PCDHA2: variants seen among roughly 807,000 people sequenced by gnomAD.
PCDHA2 encodes the protein protocadherin alpha 2.
PCDHA2 carries 58 observed loss-of-function variants against 66.0 expected under a neutral mutation model. The ratio of observed to expected loss-of-function variants is 0.88; its 90% CI spans 0.71 to 1.09. The LOEUF (loss-of-function observed/expected upper bound fraction) is 1.09. Among genes scored for constraint, PCDHA2 ranks in the 50% least tolerant of loss-of-function variants. The pLI, the probability that PCDHA2 is intolerant of heterozygous loss-of-function variation, is 0.00. For synonymous variants in PCDHA2, 634 were observed against 554.0 expected, an observed-to-expected ratio of 1.14 and a Z score of -2.03; for missense variants, 1,267 against 1,242.3, an observed-to-expected ratio of 1.02 and a Z score of -0.30.
rs1475704020 is a variant in PCDHA2 at position 140,802,588 on chromosome 5, T to C, written c.2388+5236T>C. The C allele has an allele frequency of 4.3e-6, 7 of 1,612,752 alleles. No homozygotes were observed. The African/African-American group carries it at 9.4e-5, about 22-fold the overall frequency. ...TCGCAGTCCGAGTACACGGTGTTCGTGAAGGAGAACAACCCGCCGGGCTGC... is the reference window on the plus strand; with the variant it reads ...TCGCAGTCCGAGTACACGGTGTTCGCGAAGGAGAACAACCCGCCGGGCTGC... On this transcript the variant is annotated intron_variant, in intron 1 of 3. Coordinates refer to ENST00000526136, the MANE Select transcript of PCDHA2 (RefSeq NM_018905.3).
chr5:140,855,571 T>G (rs2043521120), intron 1 of PCDHA2, among the ~76,000 whole-genome samples: 1 of 149,810 alleles, frequency 6.7e-6, no homozygotes, highest in Non-Finnish European at 1.5e-5. Context: ...AAAGTTGTCA[T>G]TTAATAAAAT....
intron 1 of PCDHA2, chr5:140,823,218 G>T (rs2150123612): frequency 6.2e-7 from 1 of 1,613,766 alleles, no homozygotes; most frequent in Non-Finnish European, 8.5e-7. Context: ...CACGGGACGC[G>T]GACGCGCAGG....
At chr5:140,871,205 T>C (rs1554165267) in intron 1 of PCDHA2, 3 of 1,613,774 alleles carry the variant, frequency 1.9e-6, no homozygotes, top group Admixed American at 3.3e-5. Flanking sequence ...TACCTGATCA[T>C]CGCCATCTGC....
intron 1 of PCDHA2, chr5:140,855,922 T>G: frequency 8.1e-7 from 1 of 1,227,842 alleles, no homozygotes; most frequent in South Asian, 1.5e-5. Flanking sequence ...GACTAGGAAG[T>G]AGCGTCATTC....
rs79336587 is a variant in PCDHA2 at position 140,997,550 on chromosome 5, C to T, written c.2537-12077C>T. Reference sequence around the variant, plus strand: ...ATAAAAATACATTATTATAATCTTACAGGACAACTGTCATATGTGTGGTCC... The same window carrying T: ...ATAAAAATACATTATTATAATCTTATAGGACAACTGTCATATGTGTGGTCC... On this transcript the variant is annotated intron_variant, in intron 3 of 3. Coordinates refer to ENST00000526136, the MANE Select transcript of PCDHA2 (RefSeq NM_018905.3). Among the ~76,000 whole-genome samples, 1,283 of 152,208 alleles carry T rather than the reference C, an allele frequency of 8.4e-3. 21 individuals carry two copies. The highest frequency in any genetic ancestry group is 0.029 in the African/African-American group (1,211 of 41,522).
rs2150314365 is a variant in PCDHA2 at position 140,841,377 on chromosome 5, T to C, written c.2388+44025T>C. On this transcript the variant is annotated intron_variant, in intron 1 of 3. Transcript: ENST00000526136. ...TCCTGGCGACTACTACTCTTGCTTC[T>C]GCTCCTCGCAGCCTGGAAGGTGGGG... is the stretch of plus-strand genomic sequence containing the variant. 2.2e-5 allele frequency: 35 copies of C among 1,613,546 alleles called. No homozygotes were observed. The South Asian group carries it at 2.3e-4, about 11-fold the overall frequency.
At chr5:140,830,423 C>G (rs782793834) in intron 1 of PCDHA2, 1 of 1,613,982 alleles carries the variant, frequency 6.2e-7, no homozygotes, top group East Asian at 2.2e-5. Context: ...CAGCCTTTCA[C>G]CTTGTCCTAT....
chr5:140,860,192 C>CATATAT (rs143984774), intron 1 of PCDHA2: 2 of 146,816 alleles, frequency 1.4e-5, no homozygotes, highest in African/African-American at 5.0e-5. Context: ...GCTCTCCTTA[C>CATATAT]ATATATATCT....
chr5:140,966,050 C>T (rs1554228018), intron 1 of PCDHA2, among the ~76,000 whole-genome samples: 3 of 152,206 alleles, frequency 2.0e-5, no homozygotes, highest in African/African-American at 7.2e-5. Context: ...TCGCCAGTAA[C>T]CCCAGAGCGC....
At chr5:140,993,227 C>T (rs1464075096) in intron 3 of PCDHA2, among the ~76,000 whole-genome samples, 1 of 152,084 alleles carries the variant, frequency 6.6e-6, no homozygotes, top group African/African-American at 2.4e-5. Context: ...TTGGTATGTT[C>T]TCTCTGAATC....
At chr5:140,807,683 G>A (rs1364213662) in intron 1 of PCDHA2, 1 of 1,614,210 alleles carries the variant, frequency 6.2e-7, no homozygotes. Flanking sequence ...CGGGGAGAAC[G>A]CCCTGCTCAC....
At chr5:140,877,535 A>T in intron 1 of PCDHA2, 1 of 1,613,750 alleles carries the variant, frequency 6.2e-7, no homozygotes, top group Admixed American at 1.7e-5. Flanking sequence ...GGCGCTGTGG[A>T]TCCCGAAGCG....
intron 1 of PCDHA2, among the ~76,000 whole-genome samples, chr5:140,889,804 G>A (rs940898112): frequency 1.3e-5 from 2 of 152,112 alleles, no homozygotes; most frequent in African/African-American, 2.4e-5. Context: ...TGGGATTTAT[G>A]AAGTCAGGTC....
chr5:140,998,005 C>T (rs539275150), intron 3 of PCDHA2, among the ~76,000 whole-genome samples: 300 of 152,282 alleles, frequency 2.0e-3, no homozygotes, highest in Non-Finnish European at 3.8e-3. Context: ...TCTGAGCCTT[C>T]CATCCCCACC....
At chr5:140,808,359 C>T (rs1554124493) in intron 1 of PCDHA2, 1 of 1,614,218 alleles carries the variant, frequency 6.2e-7, no homozygotes, top group Admixed American at 1.7e-5. Flanking sequence ...TCCTTGACGT[C>T]CCACGTCCCC....
intron 1 of PCDHA2, chr5:140,883,143 C>A (rs782699546): frequency 1.2e-6 from 2 of 1,614,042 alleles, no homozygotes; most frequent in South Asian, 1.1e-5. Context: ...GTGGTATATG[C>A]ATTTACCATA....
intron 1 of PCDHA2, among the ~76,000 whole-genome samples, chr5:140,952,282 C>A (rs12187982): frequency 0.12 from 17,942 of 151,036 alleles, 1,209 homozygotes; most frequent in Middle Eastern, 0.19. Context: ...AGGGTGGTGG[C>A]CCTCTTCTCA....
At chr5:140,974,109 T>A (rs192229356) in intron 1 of PCDHA2, among the ~76,000 whole-genome samples, 366 of 152,368 alleles carry the variant, frequency 2.4e-3, no homozygotes, top group Non-Finnish European at 3.7e-3. Context: ...AAAAGTATTC[T>A]TTTGCAGTGT....
At chr5:140,858,437 G>A (rs1343643925) in intron 1 of PCDHA2, 1 of 1,541,834 alleles carries the variant, frequency 6.5e-7, no homozygotes, top group Non-Finnish European at 8.8e-7. Flanking sequence ...CTCTAGGAAG[G>A]TGGGTTATTA....
Sources: gnomAD v4.1 joint callset for allele counts (sites outside exome capture counted in the v4.1 genomes callset) on GRCh38, gnomAD v4.1.1 for gene constraint, MANE v1.5 for transcripts, NCBI Gene and HGNC (gene_info 2026-07-23, HGNC 2026-07-21) for gene names.